THEMIS: variants seen among roughly 807,000 people sequenced by gnomAD.
THEMIS encodes thymocyte selection associated, also known as protein THEMIS.
In THEMIS, 37 loss-of-function variants were observed where a neutral mutation model predicts 52.6. The observed-to-expected ratio is 0.70, with a 90% CI of 0.54 to 0.93. THEMIS has a LOEUF of 0.93. Ranked by LOEUF, THEMIS falls within the 40% of genes least tolerant of loss-of-function variation. THEMIS has a pLI of 0.00. For missense variants in THEMIS, 808 were observed against 763.1 expected (o/e 1.06, Z -0.69); for synonymous variants, 292 against 272.7 (o/e 1.07, Z -0.70).
chr6:127,755,474 A>C (rs1465054637), intron 4 of THEMIS, among the ~76,000 whole-genome samples: 2 of 152,170 alleles, frequency 1.3e-5, no homozygotes, highest in African/African-American at 2.4e-5. Flanking sequence ...TGCTTGAAGT[A>C]ACCATCTGGC....
intron 4 of THEMIS, among the ~76,000 whole-genome samples, chr6:127,805,085 T>C (rs1236377664): frequency 6.6e-6 from 1 of 152,110 alleles, no homozygotes; most frequent in Non-Finnish European, 1.5e-5. Context: ...TAATGTACAG[T>C]TTGATTCTTG....
chr6:127,719,381 T>C (rs1263161083), intron 5 of THEMIS, among the ~76,000 whole-genome samples: 1 of 152,002 alleles, frequency 6.6e-6, no homozygotes, highest in East Asian at 1.9e-4. Flanking sequence ...TTCTTGTTCA[T>C]TGTTCCAGCA....
chr6:127,699,361 T>A, the THEMIS span, among the ~76,000 whole-genome samples: 1 of 151,442 alleles, frequency 6.6e-6, no homozygotes, highest in Non-Finnish European at 1.5e-5. Context: ...CATACATTAT[T>A]TAATTAAGTA....
At chr6:127,891,768 T>C (rs565267373) in intron 1 of THEMIS, among the ~76,000 whole-genome samples, 2 of 152,182 alleles carry the variant, frequency 1.3e-5, no homozygotes, top group Non-Finnish European at 2.9e-5. Flanking sequence ...GTCTTGTCAG[T>C]CTGCTGCTCA....
chr6:127,913,373 C>T (rs1451819140), intron 1 of THEMIS, among the ~76,000 whole-genome samples: 5 of 151,870 alleles, frequency 3.3e-5, no homozygotes, highest in Admixed American at 6.6e-5. Context: ...TCCTTTGTTC[C>T]TGAATTCTAC....
intron 4 of THEMIS, among the ~76,000 whole-genome samples, chr6:127,752,673 A>T (rs1292786016): frequency 6.6e-6 from 1 of 151,728 alleles, no homozygotes; most frequent in African/African-American, 2.4e-5. Context: ...AAGAAGATTG[A>T]ATTAGTAATC....
intron 4 of THEMIS, among the ~76,000 whole-genome samples, chr6:127,792,309 A>T (rs1777185908): frequency 6.6e-6 from 1 of 152,234 alleles, no homozygotes; most frequent in African/African-American, 2.4e-5. Context: ...ATGGGACCAT[A>T]AGTACCCGTG....
the THEMIS span, among the ~76,000 whole-genome samples, chr6:127,702,380 T>C: frequency 6.6e-6 from 1 of 152,208 alleles, no homozygotes; most frequent in African/African-American, 2.4e-5. Context: ...GTATTATTTG[T>C]TATTCCTGGA....
At chr6:127,845,437 T>C (rs974361860) in intron 2 of THEMIS, among the ~76,000 whole-genome samples, 3 of 151,884 alleles carry the variant, frequency 2.0e-5, no homozygotes, top group African/African-American at 7.2e-5. Context: ...ACAGCAAACT[T>C]TGTGGCACTT....
chr6:127,754,949 TG>T (rs1453803565), intron 4 of THEMIS, among the ~76,000 whole-genome samples: 1 of 151,698 alleles, frequency 6.6e-6, no homozygotes, highest in African/African-American at 2.4e-5. Context: ...ATTATTGCAA[TG>T]CATTGGAGAA....
intron 1 of THEMIS, among the ~76,000 whole-genome samples, chr6:127,916,892 A>G (rs777302226): frequency 2.0e-5 from 3 of 152,230 alleles, no homozygotes; most frequent in African/African-American, 4.8e-5. Context: ...AGTTTTAAAA[A>G]CACACTAAAA....
At chr6:127,807,615 C>A (rs541040638) in intron 4 of THEMIS, among the ~76,000 whole-genome samples, 1 of 152,166 alleles carries the variant, frequency 6.6e-6, no homozygotes, top group Non-Finnish European at 1.5e-5. Flanking sequence ...ATCAGTACTA[C>A]AGCTTCTATA....
At position 127,735,018 on chromosome 6, in the gene THEMIS, G is replaced by C. The variant is rs527294134; in HGVS notation, c.1759-15195C>G. 1.8e-3 allele frequency among the ~76,000 whole-genome samples: 255 copies of C among 141,638 alleles called. 1 individual carries two copies. The highest frequency in any genetic ancestry group is 6.4e-3 in the African/African-American group (244 of 38,212). 92.9% of individuals were successfully genotyped at this position (141,638 alleles called of 152,430 possible). A position where few individuals can be genotyped will look rare whatever the true frequency, so the allele number is the denominator to read the frequency against. On this transcript the variant is annotated intron_variant, in intron 4 of 5. Transcript: ENST00000368248. ...ACTGGAGTTCAGGAATTAAGATATT[G>C]TTTCTTAAATAATCTCTCCCTTCTA...
chr6:127,847,285 G>A lies in THEMIS; in HGVS notation c.250+7745C>T, dbSNP rs1365209452. Among the ~76,000 whole-genome samples, 5 of 151,934 alleles carry A rather than the reference G, an allele frequency of 3.3e-5. No individual in the cohort carries two copies. In the East Asian group the frequency reaches 9.7e-4, roughly 29 times the overall value. ...CATAGTACTGGAAGTCCTAGCCACA[G>A]CAATTAGACCAGAGAAAGAAATAAA... On this transcript the variant is annotated intron_variant, in intron 2 of 5. Transcript: ENST00000368248.
rs148334627 is a variant in THEMIS, at chr6:127,813,517, G to T, written c.1124C>A (p.Ser375Tyr). The change falls in exon 4 of 6, where the codon TCC becomes TAC. Residue 375 changes from serine (S) to tyrosine (Y), a missense_variant. Physicochemically the swap from Ser to Tyr is moderately radical, Grantham distance 144. Transcript: ENST00000368248. The stretch of plus-strand genomic sequence containing the variant: ...TACGGATGACAGCTTGTCATGAGGG[G>T]AATGAAACGCTTTGGTGGCCACCAC... ...LHVVATKAFHSPHDKLSSVSV... is the reference protein window; with the variant it reads ...LHVVATKAFHYPHDKLSSVSV... 1.2e-6 allele frequency: 2 copies of T among 1,613,528 alleles called. No homozygotes were observed. Among genetic ancestry groups the T allele is most frequent in the Non-Finnish European group, 1.7e-6 (2 of 1,179,868 alleles).
chr6:127,703,962 G>A (rs916758250), downstream of THEMIS, among the ~76,000 whole-genome samples: 3 of 152,098 alleles, frequency 2.0e-5, no homozygotes, highest in African/African-American at 4.8e-5. Context: ...TTCAAAGATG[G>A]CACCTCTTGC....
chr6:127,788,558 C>T (rs13202957), intron 4 of THEMIS, among the ~76,000 whole-genome samples: 5,628 of 152,208 alleles, frequency 0.037, 134 homozygotes, highest in Middle Eastern at 0.058. Context: ...TATTCATTTA[C>T]GGACAGTAAG....
chr6:127,819,193 G>A (rs571477339), intron 3 of THEMIS, among the ~76,000 whole-genome samples: 146 of 148,502 alleles, frequency 9.8e-4, no homozygotes, highest in Non-Finnish European at 1.7e-3. Context: ...GTCTTTGGTG[G>A]GTTTCTCATT....
chr6:127,699,912 T>A, the THEMIS span, among the ~76,000 whole-genome samples: 35 of 152,008 alleles, frequency 2.3e-4, no homozygotes, highest in East Asian at 5.6e-3. Context: ...AATATTTTTT[T>A]AAATATGACA....
Sources: allele counts gnomAD v4.1 joint callset (sites outside exome capture counted in the v4.1 genomes callset), GRCh38; gene constraint gnomAD v4.1.1; transcripts MANE v1.5; gene names NCBI Gene and HGNC (gene_info 2026-07-23, HGNC 2026-07-21).